KIAA1549: variants seen among roughly 807,000 people sequenced by gnomAD.
KIAA1549 encodes the protein UPF0606 protein KIAA1549.
A neutral mutation model predicts 156.4 loss-of-function variants in KIAA1549; 70 were observed. The ratio of observed to expected loss-of-function variants is 0.45; its 90% CI spans 0.37 to 0.55. The LOEUF (loss-of-function observed/expected upper bound fraction) is 0.55. Ranked by LOEUF, KIAA1549 falls within the 20% of genes least tolerant of loss-of-function variation. KIAA1549 has a pLI of 0.00. For synonymous variants in KIAA1549, 1,103 were observed against 1,066.4 expected (o/e 1.03, Z -0.67); for missense variants, 2,428 against 2,540.9 (o/e 0.96, Z 0.96).
chr7:138,923,444 T>C (rs1421117168), intron 1 of KIAA1549, among the ~76,000 whole-genome samples: 4 of 151,950 alleles, frequency 2.6e-5, no homozygotes, highest in Non-Finnish European at 5.9e-5. Flanking sequence ...CTACTAAAAA[T>C]AAAAAATTTG....
At chr7:138,880,769 G>A (rs545369942) in intron 11 of KIAA1549, among the ~76,000 whole-genome samples, 34 of 152,148 alleles carry the variant, frequency 2.2e-4, no homozygotes, top group Non-Finnish European at 3.8e-4. Flanking sequence ...AGGTAGCCTG[G>A]AAAACTAATA....
chr7:138,944,389 T>A (rs1453006308), intron 1 of KIAA1549, among the ~76,000 whole-genome samples: 1 of 152,176 alleles, frequency 6.6e-6, no homozygotes, highest in Non-Finnish European at 1.5e-5. Flanking sequence ...TGGCTATATT[T>A]TTTAAAGTGA....
intron 1 of KIAA1549, among the ~76,000 whole-genome samples, chr7:138,958,304 C>T (rs1020113448): frequency 6.6e-6 from 1 of 152,216 alleles, no homozygotes; most frequent in Non-Finnish European, 1.5e-5. Context: ...CCATCACCCA[C>T]GATGCTCATT....
At chr7:138,972,141 C>T (rs988081687) in intron 1 of KIAA1549, among the ~76,000 whole-genome samples, 1 of 152,142 alleles carries the variant, frequency 6.6e-6, no homozygotes, top group Non-Finnish European at 1.5e-5. Flanking sequence ...CCTCTGGGAA[C>T]TTTCTTTCAC....
intron 16 of KIAA1549, among the ~76,000 whole-genome samples, chr7:138,858,034 A>G (rs1052595484): frequency 2.6e-5 from 4 of 152,156 alleles, no homozygotes; most frequent in Non-Finnish European, 4.4e-5. Context: ...CCATCTTGGT[A>G]TCTGTTTTCA....
chr7:138,913,142 G>A (rs1296712093), intron 2 of KIAA1549, among the ~76,000 whole-genome samples: 3 of 152,052 alleles, frequency 2.0e-5, no homozygotes, highest in Non-Finnish European at 4.4e-5. Flanking sequence ...CCAAAGTGCT[G>A]GGATTATAGA....
chr7:138,899,232 C>A, intron 8 of KIAA1549, 100 bp from the exon 9 acceptor site: 3 of 1,078,620 alleles, frequency 2.8e-6, no homozygotes, highest in Non-Finnish European at 4.2e-6. Context: ...GGATTTATTC[C>A]AATCCTCATA....
chr7:138,918,548 G>A lies in KIAA1549; in HGVS notation c.1078C>T (p.Pro360Ser). 6.2e-7 allele frequency: 1 copy of A among 1,614,044 alleles called. No homozygotes were observed. The highest frequency in any genetic ancestry group is 8.5e-7 in the Non-Finnish European group (1 of 1,179,896). ...AATGCAAGAGGAGTTGAAAGCAATG[G>A]AGAATGTGTCCTGCTGAATGCAAGG... ...AALAFSRTHSPLLSTPLAFAS... is the reference protein window; with the variant it reads ...AALAFSRTHSSLLSTPLAFAS... The change falls in exon 2 of 20, where the codon CCA becomes TCA. Residue 360 changes from proline (P) to serine (S), a missense_variant. Pro to Ser is a moderately conservative substitution (Grantham distance 74). This residue lies in a region of KIAA1549 where 893 missense variants were observed against 847.9 expected (regional missense o/e 1.05). Coordinates refer to ENST00000422774, the MANE Select transcript of KIAA1549 (RefSeq NM_001164665.2). This position sits in a 1 kb window ranked among gnomAD's most constrained non-coding sequence, Gnocchi z 4.2.
intron 1 of KIAA1549, among the ~76,000 whole-genome samples, chr7:138,931,447 G>C (rs1300654359): frequency 6.6e-6 from 1 of 152,138 alleles, no homozygotes; most frequent in Non-Finnish European, 1.5e-5. Flanking sequence ...TGGCATCTTT[G>C]ATGAACAGAA....
chr7:138,875,986 G>C (rs1811074320), intron 12 of KIAA1549, among the ~76,000 whole-genome samples: 1 of 151,018 alleles, frequency 6.6e-6, no homozygotes, highest in Non-Finnish European at 1.5e-5. Flanking sequence ...TTTTTTTGTA[G>C]AGTCAGAGTC....
chr7:138,903,327 ACAATTCTGCT>A (rs1484968986), intron 8 of KIAA1549, among the ~76,000 whole-genome samples: 1 of 152,198 alleles, frequency 6.6e-6, no homozygotes, highest in Non-Finnish European at 1.5e-5. Flanking sequence ...ACCCAGTAAG[ACAATTCTGCT>A]CTGCTCTGCA....
intron 15 of KIAA1549, among the ~76,000 whole-genome samples, chr7:138,862,078 T>C (rs1252609023): frequency 2.6e-5 from 4 of 152,202 alleles, no homozygotes; most frequent in African/African-American, 7.2e-5. Flanking sequence ...AGTTTATGTA[T>C]TGAAAAAAAC....
chr7:138,896,680 G>A (rs972577355), intron 9 of KIAA1549, among the ~76,000 whole-genome samples: 2 of 151,262 alleles, frequency 1.3e-5, no homozygotes, highest in Non-Finnish European at 2.9e-5. Context: ...TTGCAGCCGC[G>A]ACCTCCTGGG....
intron 9 of KIAA1549, among the ~76,000 whole-genome samples, chr7:138,895,185 A>ATC (rs1811649944): frequency 6.6e-6 from 1 of 152,224 alleles, no homozygotes; most frequent in African/African-American, 2.4e-5. Context: ...GGAAAGGAGA[A>ATC]ATGATCAAGT....
chr7:138,855,280 T>G (rs1810354202), intron 16 of KIAA1549, among the ~76,000 whole-genome samples: 1 of 152,200 alleles, frequency 6.6e-6, no homozygotes, highest in South Asian at 2.1e-4. Flanking sequence ...AGTCCTCCTG[T>G]CACCCTGAGA....
chr7:138,842,679 C>T (rs1224245715), intron 18 of KIAA1549, among the ~76,000 whole-genome samples: 1 of 119,636 alleles, frequency 8.4e-6, no homozygotes, highest in Non-Finnish European at 1.7e-5. Flanking sequence ...GGCGACAGAA[C>T]AAAAACTCTG....
At chr7:138,900,479 TTTC>T (rs1216913028) in intron 8 of KIAA1549, among the ~76,000 whole-genome samples, 1 of 152,198 alleles carries the variant, frequency 6.6e-6, no homozygotes. Flanking sequence ...AAAAGTATAG[TTTC>T]TTCTTCTAGA....
intron 1 of KIAA1549, among the ~76,000 whole-genome samples, chr7:138,960,910 T>C (rs1410920924): frequency 6.6e-6 from 1 of 152,190 alleles, no homozygotes; most frequent in Non-Finnish European, 1.5e-5. Flanking sequence ...GCTGGGAAAT[T>C]CTAAAAGCAC....
At chr7:138,971,936 A>T (rs1366099511) in intron 1 of KIAA1549, among the ~76,000 whole-genome samples, 3 of 152,200 alleles carry the variant, frequency 2.0e-5, no homozygotes, top group Non-Finnish European at 4.4e-5. Context: ...TCAAGCAAGG[A>T]GGAAGGGACG....
Sources: gnomAD v4.1 joint callset for allele counts (sites outside exome capture counted in the v4.1 genomes callset) on GRCh38, gnomAD v4.1.1 for gene constraint, gnomAD v4.1.1 regional missense constraint, Gnocchi (gnomAD v3.1) non-coding constraint, MANE v1.5 for transcripts, NCBI Gene and HGNC (gene_info 2026-07-23, HGNC 2026-07-21) for gene names.